The following PGM5 variants were observed in gnomAD, a reference collection of about 807,000 sequenced individuals.
The protein encoded by PGM5 is phosphoglucomutase-like protein 5.
In PGM5, 23 loss-of-function variants were observed where a neutral mutation model predicts 59.2. That is an observed-to-expected ratio of 0.39 (90% CI 0.28 to 0.55). The LOEUF is 0.55. Ranked by LOEUF, PGM5 falls within the 20% of genes least tolerant of loss-of-function variation. The pLI is 0.66. For missense variants in PGM5, 574 were observed against 748.3 expected, an observed-to-expected ratio of 0.77 and a Z score of 2.72; for synonymous variants, 214 against 286.0, an observed-to-expected ratio of 0.75 and a Z score of 2.54.
intron 6 of PGM5, among the ~76,000 whole-genome samples, chr9:68,416,209 T>C (rs1554681964): frequency 6.6e-6 from 1 of 152,224 alleles, no homozygotes; most frequent in African/African-American, 2.4e-5. Flanking sequence ...AAGAGAAAAG[T>C]AAATACTAGG....
chr9:68,527,275 C>T (rs1356340134), intron 10 of PGM5, among the ~76,000 whole-genome samples: 1 of 152,148 alleles, frequency 6.6e-6, no homozygotes, highest in Non-Finnish European at 1.5e-5. Flanking sequence ...CCGTAAGGTT[C>T]AAATTCATTT....
intron 2 of PGM5, among the ~76,000 whole-genome samples, chr9:68,380,532 A>G (rs1356351009): frequency 2.0e-5 from 3 of 151,918 alleles, no homozygotes; most frequent in Non-Finnish European, 1.5e-5. Context: ...ATTATGCCCC[A>G]AGGAGCTAAA....
chr9:68,411,469 TG>T (rs1245688952), intron 6 of PGM5, among the ~76,000 whole-genome samples: 2 of 129,268 alleles, frequency 1.5e-5, no homozygotes, highest in African/African-American at 2.8e-5. Context: ...AAATATATAA[TG>T]TGTGTGTGTG....
chr9:68,459,701 A>G (rs1343368685), intron 6 of PGM5, among the ~76,000 whole-genome samples: 3 of 152,180 alleles, frequency 2.0e-5, no homozygotes, highest in Admixed American at 6.5e-5. Flanking sequence ...TTGTGGATAC[A>G]TAGTAATATT....
chr9:68,426,555 T>C (rs908545037), intron 6 of PGM5, among the ~76,000 whole-genome samples: 5 of 152,122 alleles, frequency 3.3e-5, no homozygotes, highest in Non-Finnish European at 7.4e-5. Flanking sequence ...TTCCCTATTA[T>C]AATAGTGCAG....
chr9:68,453,208 C>A (rs1021047782), intron 6 of PGM5, among the ~76,000 whole-genome samples: 1 of 152,178 alleles, frequency 6.6e-6, no homozygotes, highest in Non-Finnish European at 1.5e-5. Context: ...AGTCTCTTAC[C>A]TTTTCATAAT....
intron 6 of PGM5, among the ~76,000 whole-genome samples, chr9:68,408,313 G>A (rs1822859182): frequency 6.6e-6 from 1 of 152,246 alleles, no homozygotes. Context: ...ATTGAGCCAA[G>A]GTGGGCTGAC....
At chr9:68,465,013 TA>T in intron 6 of PGM5, 79 bp from the exon 7 acceptor site, 1 of 850,948 alleles carries the variant, frequency 1.2e-6, no homozygotes, top group Non-Finnish European at 1.9e-6. Flanking sequence ...TAGTAGATCC[TA>T]AAGACTTCCT....
At chr9:68,420,092 G>A (rs1315618283) in intron 6 of PGM5, among the ~76,000 whole-genome samples, 2 of 152,100 alleles carry the variant, frequency 1.3e-5, no homozygotes, top group African/African-American at 2.4e-5. Flanking sequence ...ACACCTAGAG[G>A]AATTCCTGCT....
At chr9:68,497,129 G>A (rs782740555) in intron 9 of PGM5, 2 of 152,188 alleles carry the variant, frequency 1.3e-5, no homozygotes, top group East Asian at 3.8e-4. Context: ...GTGATTTGTA[G>A]ACAGTCAGTA....
chr9:68,368,870 C>G (rs1267347137), intron 1 of PGM5, among the ~76,000 whole-genome samples: 1 of 152,204 alleles, frequency 6.6e-6, no homozygotes, highest in Non-Finnish European at 1.5e-5. Flanking sequence ...CTCTTGAGCT[C>G]CTGGCTTCAA....
chr9:68,459,287 C>A (rs1823823254), intron 6 of PGM5, among the ~76,000 whole-genome samples: 1 of 152,122 alleles, frequency 6.6e-6, no homozygotes, highest in African/African-American at 2.4e-5. Context: ...ATGAACACAC[C>A]CGTGTAACTA....
At chr9:68,377,041 C>T (rs1305489084) in intron 1 of PGM5, among the ~76,000 whole-genome samples, 3 of 151,938 alleles carry the variant, frequency 2.0e-5, no homozygotes, top group Admixed American at 1.3e-4. Flanking sequence ...ATTCTCCCAC[C>T]TCAGCCCCCG....
intron 6 of PGM5, among the ~76,000 whole-genome samples, chr9:68,420,240 C>T (rs930464584): frequency 6.6e-6 from 1 of 152,156 alleles, no homozygotes; most frequent in Non-Finnish European, 1.5e-5. Flanking sequence ...AAGACAGAGT[C>T]AGAGCTGCTT....
intron 1 of PGM5, among the ~76,000 whole-genome samples, chr9:68,371,037 G>A (rs1821695758): frequency 6.6e-6 from 1 of 151,972 alleles, no homozygotes; most frequent in Non-Finnish European, 1.5e-5. Context: ...GTATCTGTGT[G>A]GACCCTGGGA....
rs1587225973 is a variant in PGM5 at position 68,510,107 on chromosome 9, G to A, written c.1614+10746G>A. On this transcript the variant is annotated intron_variant, in intron 10 of 10. Coordinates refer to ENST00000396396, the MANE Select transcript of PGM5 (RefSeq NM_021965.4). Reference sequence around the variant, plus strand: ...GTTTTTTTCACATACCATCAAAGCTGGATGGCCTCTGATACAAAGGTTGGG... The same window carrying A: ...GTTTTTTTCACATACCATCAAAGCTAGATGGCCTCTGATACAAAGGTTGGG... 2.6e-5 allele frequency among the ~76,000 whole-genome samples: 4 copies of A among 151,156 alleles called. No homozygotes were observed. The South Asian group carries it at 6.3e-4, about 24-fold the overall frequency.
chr9:68,374,920 C>A, intron 1 of PGM5, among the ~76,000 whole-genome samples: 1 of 152,018 alleles, frequency 6.6e-6, no homozygotes, highest in East Asian at 1.9e-4. Flanking sequence ...TATTTCTCAT[C>A]ATTTCTATGA....
At chr9:68,490,952 C>G (rs1554687828) in intron 9 of PGM5, among the ~76,000 whole-genome samples, 1 of 152,162 alleles carries the variant, frequency 6.6e-6, no homozygotes, top group Non-Finnish European at 1.5e-5. Flanking sequence ...TTAAAAAAAC[C>G]TTTTTCTTTG....
chr9:68,372,458 G>T (rs1226733693), intron 1 of PGM5, among the ~76,000 whole-genome samples: 36 of 151,990 alleles, frequency 2.4e-4, no homozygotes, highest in African/African-American at 8.7e-4. Flanking sequence ...CCACCACGTA[G>T]CTGGCTGATC....
Sources: gnomAD v4.1 joint callset for allele counts (sites outside exome capture counted in the v4.1 genomes callset) on GRCh38, gnomAD v4.1.1 for gene constraint, MANE v1.5 for transcripts, NCBI Gene and HGNC (gene_info 2026-07-23, HGNC 2026-07-21) for gene names.